Variants in FMN1 observed in about 807,000 individuals in gnomAD.
The protein encoded by FMN1 is formin 1, also known as formin-1.
FMN1 carries 110 observed loss-of-function variants against 132.4 expected under a neutral mutation model. The ratio of observed to expected loss-of-function variants is 0.83; its 90% CI spans 0.71 to 0.97. The LOEUF (loss-of-function observed/expected upper bound fraction) is 0.97, where lower values mean the gene tolerates loss of function less well. Among genes scored for constraint, FMN1 ranks in the 50% least tolerant of loss-of-function variants. FMN1 has a pLI of 0.00. For missense variants in FMN1, 1,792 were observed against 1,705.3 expected, an observed-to-expected ratio of 1.05 and a Z score of -0.90; for synonymous variants, 722 against 651.7, an observed-to-expected ratio of 1.11 and a Z score of -1.64.
intron 16 of FMN1, among the ~76,000 whole-genome samples, chr15:32,869,460 G>A (rs2059465711): frequency 2.0e-5 from 3 of 152,126 alleles, no homozygotes; most frequent in African/African-American, 7.2e-5. Flanking sequence ...AGCTCGAGGT[G>A]GAAAATCAAA....
intron 6 of FMN1, among the ~76,000 whole-genome samples, chr15:33,035,301 T>C (rs1218222448): frequency 2.6e-5 from 4 of 152,238 alleles, no homozygotes; most frequent in African/African-American, 4.8e-5. Context: ...AGTCTATCTA[T>C]ATTCATGATG....
At chr15:32,907,042 A>AC (rs2060443044) in intron 12 of FMN1, among the ~76,000 whole-genome samples, 1 of 152,102 alleles carries the variant, frequency 6.6e-6, no homozygotes, top group Admixed American at 6.5e-5. Flanking sequence ...ATCCATGGGG[A>AC]CTGAGGTATT....
intron 4 of FMN1, among the ~76,000 whole-genome samples, chr15:33,114,516 A>T (rs2039836292): frequency 6.6e-6 from 1 of 152,224 alleles, no homozygotes; most frequent in Admixed American, 6.5e-5. Flanking sequence ...GAAACAAGTC[A>T]TTGTCGATCC....
chr15:32,938,970 G>C (rs930315093), intron 9 of FMN1, among the ~76,000 whole-genome samples: 1 of 152,086 alleles, frequency 6.6e-6, no homozygotes, highest in African/African-American at 2.4e-5. Context: ...TTTACAAAGA[G>C]CCTGCTGTAC....
chr15:32,998,275 A>C (rs1278305727), intron 7 of FMN1, among the ~76,000 whole-genome samples: 1 of 152,206 alleles, frequency 6.6e-6, no homozygotes, highest in African/African-American at 2.4e-5. Flanking sequence ...TCATGAAAAA[A>C]TTTCCAGCAA....
Position 33,000,451 on chromosome 15 carries a change from GA to G in FMN1, c.2223+7562del, listed in dbSNP as rs35351686. Among the ~76,000 whole-genome samples the G allele has an allele frequency of 3.6e-3, 418 of 115,630 alleles. 4 individuals carry two copies. Among genetic ancestry groups the G allele is most frequent in the African/African-American group, 0.013 (379 of 30,194 alleles). 75.9% of individuals were successfully genotyped at this position (115,630 alleles called of 152,430 possible). ...GCGACAGAGCCAGACTCCATCTCAGGAAAAAAAAAAAAAAAAAAGGAGGCGG... is the reference window on the plus strand; with the variant it reads ...GCGACAGAGCCAGACTCCATCTCAGGAAAAAAAAAAAAAAAAAGGAGGCGG... On this transcript the variant is annotated intron_variant, in intron 7 of 20. Transcript: ENST00000616417.
At chr15:33,044,513 A>G (rs1023359683) in intron 6 of FMN1, among the ~76,000 whole-genome samples, 2 of 152,206 alleles carry the variant, frequency 1.3e-5, no homozygotes, top group African/African-American at 4.8e-5. Context: ...ATCTGTGGAG[A>G]GAAACTACCC....
rs1184618343 is a variant in FMN1 at position 32,950,064 on chromosome 15, T to TAC, written c.3138+14042_3138+14043insGT. ...ATATATATATATACACATATATATA[T>TAC]ATATATATATATATATTAAAAAGCT... On this transcript the variant is annotated intron_variant, in intron 9 of 20. Transcript: ENST00000616417. 2.4e-5 allele frequency among the ~76,000 whole-genome samples: 2 copies of TAC among 81,952 alleles called. 1 individual carries two copies. Among genetic ancestry groups the TAC allele is most frequent in the East Asian group, 8.5e-4 (2 of 2,364 alleles). 53.8% of individuals were successfully genotyped at this position (81,952 alleles called of 152,430 possible).
intron 5 of FMN1, among the ~76,000 whole-genome samples, chr15:33,082,481 C>G (rs980494048): frequency 1.3e-5 from 2 of 152,088 alleles, no homozygotes; most frequent in Non-Finnish European, 2.9e-5. Context: ...CTTTTCTACC[C>G]ACCCATGTCT....
At chr15:32,848,505 T>C (rs562822677) in intron 17 of FMN1, among the ~76,000 whole-genome samples, 10 of 152,314 alleles carry the variant, frequency 6.6e-5, no homozygotes, top group African/African-American at 1.4e-4. Context: ...TACTAGCTCA[T>C]AGATCTTGCT....
chr15:33,145,851 A>G (rs2468758), intron 4 of FMN1, among the ~76,000 whole-genome samples: 15,945 of 152,112 alleles, frequency 0.1, 1,756 homozygotes, highest in East Asian at 0.59. Context: ...CAGTCACAGG[A>G]GCACTTCTGA....
At chr15:32,897,795 G>A (rs931367202) in intron 15 of FMN1, among the ~76,000 whole-genome samples, 1 of 132,116 alleles carries the variant, frequency 7.6e-6, no homozygotes, top group Non-Finnish European at 1.6e-5. Context: ...CCAAGTGAGT[G>A]GTCTTAAAAC....
intron 3 of FMN1, among the ~76,000 whole-genome samples, chr15:33,172,735 A>G (rs1965376423): frequency 2.0e-5 from 3 of 152,218 alleles, no homozygotes; most frequent in South Asian, 2.1e-4. Context: ...CACAAGGTCA[A>G]TGTAGTCCCA....
At chr15:32,800,183 G>A (rs1214887871) in intron 18 of FMN1, among the ~76,000 whole-genome samples, 5 of 152,168 alleles carry the variant, frequency 3.3e-5, no homozygotes, top group Non-Finnish European at 7.3e-5. Flanking sequence ...CGAGATCCAA[G>A]CTGGAGCTGC....
chr15:32,826,988 A>C (rs990340238), intron 17 of FMN1, among the ~76,000 whole-genome samples: 1 of 152,234 alleles, frequency 6.6e-6, no homozygotes, highest in African/African-American at 2.4e-5. Flanking sequence ...CAGGAGAATC[A>C]GAGGAGGGGA....
At chr15:32,994,337 C>A (rs1270154722) in intron 7 of FMN1, among the ~76,000 whole-genome samples, 1 of 152,014 alleles carries the variant, frequency 6.6e-6, no homozygotes, top group Non-Finnish European at 1.5e-5. Context: ...AAAAATCCTA[C>A]TCCAGAGCTA....
chr15:33,121,891 G>C (rs78954688), intron 4 of FMN1, among the ~76,000 whole-genome samples: 13,906 of 152,188 alleles, frequency 0.091, 1,842 homozygotes, highest in African/African-American at 0.29. Flanking sequence ...GAAAGCAGTA[G>C]ACTTAGAGCC....
Position 33,147,653 on chromosome 15 carries a change from A to G in FMN1, c.1867+5395T>C, listed in dbSNP as rs185133408. Among the ~76,000 whole-genome samples the G allele has an allele frequency of 5.0e-4, 76 of 152,342 alleles. No homozygotes were observed. In the East Asian group the frequency reaches 0.014, roughly 29 times the overall value. ...AGCTGGCTTGAGATTTTAAAACATCAGATTCTGGCCATGGTCCTGGCCTTT... is the reference window on the plus strand; with the variant it reads ...AGCTGGCTTGAGATTTTAAAACATCGGATTCTGGCCATGGTCCTGGCCTTT... On this transcript the variant is annotated intron_variant, in intron 4 of 20. Coordinates refer to ENST00000616417, the MANE Select transcript of FMN1 (RefSeq NM_001277313.2).
chr15:32,820,220 T>C (rs1364501681), intron 17 of FMN1, among the ~76,000 whole-genome samples: 1 of 152,136 alleles, frequency 6.6e-6, no homozygotes, highest in East Asian at 1.9e-4. Flanking sequence ...AAACTTCTCA[T>C]CTAAAAACTC....
Sources: gnomAD v4.1 joint callset for allele counts (sites outside exome capture counted in the v4.1 genomes callset) on GRCh38, gnomAD v4.1.1 for gene constraint, MANE v1.5 for transcripts, NCBI Gene and HGNC (gene_info 2026-07-23, HGNC 2026-07-21) for gene names.